The following MDM4 variants were observed in gnomAD, a reference collection of about 807,000 sequenced individuals.
MDM4 encodes the protein MDM4 regulator of p53, also known as protein Mdm4.
In MDM4, 2 loss-of-function variants were observed where a neutral mutation model predicts 60.2. The observed-to-expected ratio is 0.03, with a 90% confidence interval of 0.01 to 0.10. MDM4 has a LOEUF of 0.10. Ranked by LOEUF, MDM4 falls within the 10% of genes least tolerant of loss-of-function variation. The pLI is 1.00. For missense variants in MDM4, 447 were observed against 577.5 expected (o/e 0.77, Z 2.32); for synonymous variants, 202 against 198.1 (o/e 1.02, Z -0.17).
intron 6 of MDM4, chr1:204,537,747 G>T: frequency 1.7e-6 from 1 of 599,902 alleles, no homozygotes; most frequent in Non-Finnish European, 3.0e-6. Context: ...TTTTCTTTGG[G>T]TTTGTGTGTA....
chr1:204,527,922 C>T (rs1660385373), intron 3 of MDM4, among the ~76,000 whole-genome samples: 1 of 151,348 alleles, frequency 6.6e-6, no homozygotes, highest in African/African-American at 2.4e-5. Context: ...CACTCCAGAA[C>T]CATTACACTT....
intron 8 of MDM4, among the ~76,000 whole-genome samples, chr1:204,543,471 C>T (rs138815767): frequency 5.3e-4 from 81 of 152,354 alleles, no homozygotes; most frequent in African/African-American, 1.8e-3. Context: ...ATACTAGGCT[C>T]CTTTCTGACA....
chr1:204,557,983 T>C lies in MDM4; in HGVS notation c.*8301T>C, dbSNP rs1571485048. On this transcript the variant is annotated 3_prime_UTR_variant, in exon 11 of 11. Transcript: ENST00000367182. ...CACTAGATGAGGAAAGAGGAAGGCA[T>C]TTTCTGCATTCTTGCCTAGTTTTCC... 1 of 185,664 alleles carries C rather than the reference T, an allele frequency of 5.4e-6. No individual in the cohort carries two copies. The allele number at this position is 185,664 out of a possible 1,614,324, so 11.5% of individuals were successfully genotyped here. A position where few individuals can be genotyped will look rare whatever the true frequency, so the allele number is the denominator to read the frequency against.
intron 9 of MDM4, among the ~76,000 whole-genome samples, chr1:204,546,572 T>G (rs1558334569): frequency 6.6e-6 from 1 of 152,224 alleles, no homozygotes. Flanking sequence ...AAAATTTATT[T>G]GGTAACTCTT....
At chr1:204,543,926 G>A (rs1662386238) in intron 8 of MDM4, among the ~76,000 whole-genome samples, 3 of 152,154 alleles carry the variant, frequency 2.0e-5, no homozygotes, top group Admixed American at 6.5e-5. Context: ...CACATAATAG[G>A]TATTCAGTGA....
rs1662960147 is a variant in MDM4, at chr1:204,549,130, T to A, written c.921T>A (p.Thr307=). ...CTTTGTAGGATGAGTGGCAGTGTAC[T>A]GAATGCAAGAAATTTAACTCTCCAA... is the stretch of plus-strand genomic sequence containing the variant. ...EVTSEDEWQC[T]ECKKFNSPSK... Residue 307 remains threonine, a synonymous_variant, in exon 11 of 11, where the codon ACT becomes ACA. Coordinates refer to ENST00000367182, the MANE Select transcript of MDM4 (RefSeq NM_002393.5). 1.2e-6 allele frequency: 2 copies of A among 1,609,078 alleles called. No homozygotes were observed. The highest frequency in any genetic ancestry group is 3.4e-5 in the Admixed American group (2 of 59,604).
intron 3 of MDM4, 134 bp downstream of exon 3, chr1:204,526,568 A>C: frequency 1.6e-6 from 1 of 617,334 alleles, no homozygotes; most frequent in Admixed American, 3.0e-5. Flanking sequence ...GGTTCACGCC[A>C]TTCTCCTGCC....
In MDM4 at chr1:204,555,254, A is replaced by G. The variant is rs560373942; in HGVS notation, c.*5572A>G. The G allele has an allele frequency of 5.9e-6, 1 of 170,430 alleles. No individual in the cohort carries two copies. Among genetic ancestry groups the G allele is most frequent in the Non-Finnish European group, 1.3e-5 (1 of 79,332 alleles). The allele number at this position is 170,430 out of a possible 1,614,324, so 10.6% of individuals were successfully genotyped here. A position where few individuals can be genotyped will look rare whatever the true frequency, so the allele number is the denominator to read the frequency against. Reference sequence around the variant, plus strand: ...ACTGCAACCTCCGCCTCCCGGGTTCACCCCATTCTCCTGCCTCAGCCTCCC... The same window carrying G: ...ACTGCAACCTCCGCCTCCCGGGTTCGCCCCATTCTCCTGCCTCAGCCTCCC... On this transcript the variant is annotated 3_prime_UTR_variant, in exon 11 of 11. Coordinates refer to ENST00000367182, the MANE Select transcript of MDM4 (RefSeq NM_002393.5).
intron 3 of MDM4, chr1:204,529,165 G>A (rs936896951): frequency 1.1e-6 from 1 of 887,408 alleles, no homozygotes. Flanking sequence ...TTTCCACAGG[G>A]CTGAGAAGCC....
chr1:204,520,971 A>G (rs1460995712), intron 1 of MDM4, among the ~76,000 whole-genome samples: 1 of 152,190 alleles, frequency 6.6e-6, no homozygotes, highest in Non-Finnish European at 1.5e-5. Context: ...GTTATGATTA[A>G]TTCTGTGTAC....
intron 9 of MDM4, among the ~76,000 whole-genome samples, chr1:204,546,325 C>T (rs779803720): frequency 5.3e-5 from 8 of 152,104 alleles, no homozygotes; most frequent in Non-Finnish European, 8.8e-5. Flanking sequence ...GTCTCAGCCC[C>T]CAAGTAACTG....
At chr1:204,540,383 A>G (rs1409098414) in intron 7 of MDM4, among the ~76,000 whole-genome samples, 1 of 152,114 alleles carries the variant, frequency 6.6e-6, no homozygotes, top group Non-Finnish European at 1.5e-5. Context: ...TTGCCCTTGG[A>G]TGGTAGTCAC....
chr1:204,520,521 T>C (rs1451881494), intron 1 of MDM4, among the ~76,000 whole-genome samples: 1 of 151,820 alleles, frequency 6.6e-6, no homozygotes. Flanking sequence ...GGCAGCAAAA[T>C]GGGATGGGGG....
At chr1:204,526,321 T>C in intron 2 of MDM4, 39 bp from the exon 3 acceptor site, 1 of 1,539,608 alleles carries the variant, frequency 6.5e-7, no homozygotes, top group Non-Finnish European at 8.9e-7. Flanking sequence ...GAAACCTACT[T>C]GAAATGTAAA....
intron 3 of MDM4, chr1:204,529,175 C>A: frequency 2.4e-6 from 2 of 841,258 alleles, no homozygotes; most frequent in South Asian, 1.5e-5. Flanking sequence ...GCTGAGAAGC[C>A]GTAGACATTT....
In MDM4 at chr1:204,555,505, A is replaced by G. The variant is rs1663480091; in HGVS notation, c.*5823A>G. 2 of 170,844 alleles carry G rather than the reference A, an allele frequency of 1.2e-5. No individual in the cohort carries two copies. The highest frequency in any genetic ancestry group is 2.1e-4 in the East Asian group (2 of 9,402). 10.6% of individuals were successfully genotyped at this position (170,844 alleles called of 1,614,324 possible). A position where few individuals can be genotyped will look rare whatever the true frequency, so the allele number is the denominator to read the frequency against. ...GGGTCAAGGATACCTAAAAAGGGTC[A>G]AATAATGCTAGAAGAGCAATTCCTC... On this transcript the variant is annotated 3_prime_UTR_variant, in exon 11 of 11. Coordinates refer to ENST00000367182, the MANE Select transcript of MDM4 (RefSeq NM_002393.5).
chr1:204,550,321 G>A lies in MDM4; in HGVS notation c.*639G>A, dbSNP rs1663084101. ...CCTGAGTAGCTGAGACTATAGACTA[G>A]CATAACCACACTGGCTAATTTTTTG... On this transcript the variant is annotated 3_prime_UTR_variant, in exon 11 of 11. Transcript: ENST00000367182. The A allele has an allele frequency of 4.4e-6, 1 of 225,014 alleles. No individual in the cohort carries two copies. Among genetic ancestry groups the A allele is most frequent in the Non-Finnish European group, 8.9e-6 (1 of 112,960 alleles). 13.9% of individuals were successfully genotyped at this position (225,014 alleles called of 1,614,324 possible). A position where few individuals can be genotyped will look rare whatever the true frequency, so the allele number is the denominator to read the frequency against.
chr1:204,527,048 ATT>A (rs1394476145), intron 3 of MDM4, among the ~76,000 whole-genome samples: 1 of 151,782 alleles, frequency 6.6e-6, no homozygotes, highest in Non-Finnish European at 1.5e-5. Context: ...CAATCCCAGT[ATT>A]TTGGGAGGCT....
At chr1:204,529,179 G>C (rs1572471807) in intron 3 of MDM4, 2 of 822,988 alleles carry the variant, frequency 2.4e-6, no homozygotes, top group Non-Finnish European at 2.1e-6. Flanking sequence ...AGAAGCCGTA[G>C]ACATTTATGT....
Sources: gnomAD v4.1 joint callset for allele counts (sites outside exome capture counted in the v4.1 genomes callset) on GRCh38, gnomAD v4.1.1 for gene constraint, MANE v1.5 for transcripts, NCBI Gene and HGNC (gene_info 2026-07-23, HGNC 2026-07-21) for gene names.